POM121: variants seen among roughly 807,000 people sequenced by gnomAD.
POM121 encodes nuclear envelope pore membrane protein POM 121.
POM121 carries 32 observed loss-of-function variants against 81.3 expected under a neutral mutation model. The ratio of observed to expected loss-of-function variants is 0.39; its 90% confidence interval spans 0.30 to 0.53. POM121 has a LOEUF of 0.53. Ranked by LOEUF, POM121 falls within the 20% of genes least tolerant of loss-of-function variation. The pLI, the probability that POM121 is intolerant of heterozygous loss-of-function variation, is 0.66. For synonymous variants in POM121, 514 were observed against 694.2 expected (o/e 0.74, Z 4.08); for missense variants, 1,138 against 1,614.6 (o/e 0.70, Z 5.06).
intron 10 of POM121, among the ~76,000 whole-genome samples, chr7:72,941,513 C>T (rs1294123764): frequency 8.2e-5 from 12 of 147,122 alleles, no homozygotes; most frequent in Non-Finnish European, 1.5e-4. Context: ...GCTCTTAGCG[C>T]CTGGCAGGTG....
At position 72,945,561 on chromosome 7, in the gene POM121, C is replaced by A. The variant is rs2429281; in HGVS notation, c.3530-25C>A. ...TTGCCTCTGCCCTCTGCTCACTGGC[C>A]AGCTCTCTGTTCTCTTCATTCCAGG... On this transcript the variant is annotated intron_variant, in intron 11 of 12. Coordinates refer to ENST00000434423, the MANE Select transcript of POM121 (RefSeq NM_001387691.1). 2.0e-5 allele frequency: 33 copies of A among 1,612,144 alleles called. No homozygotes were observed. The South Asian group carries it at 2.9e-4, about 14-fold the overall frequency.
intron 3 of POM121, among the ~76,000 whole-genome samples, chr7:72,893,102 C>T (rs1283823305): frequency 8.6e-5 from 13 of 151,878 alleles, no homozygotes; most frequent in Admixed American, 4.6e-4. Flanking sequence ...AGATTACAGG[C>T]GTGCACCATC....
intron 3 of POM121, among the ~76,000 whole-genome samples, chr7:72,906,735 A>C (rs1382949117): frequency 6.6e-6 from 1 of 151,384 alleles, no homozygotes; most frequent in Non-Finnish European, 1.5e-5. Flanking sequence ...TGGTTCTCTC[A>C]CCTCAGCCTC....
Position 72,939,969 on chromosome 7 carries a change from G to C in POM121, c.1563+1G>C, listed in dbSNP as rs782664833. Reference sequence around the variant, plus strand: ...TCGGCGAGGGGAACAGCTGACCTTGGTATGGTCTTGTCCATCTACTCCTGC... The same window carrying C: ...TCGGCGAGGGGAACAGCTGACCTTGCTATGGTCTTGTCCATCTACTCCTGC... On this transcript the variant is annotated splice_donor_variant, in intron 8 of 12. Transcript: ENST00000434423. LOFTEE classifies it high-confidence loss of function. The C allele has an allele frequency of 6.2e-7, 1 of 1,605,806 alleles. No individual in the cohort carries two copies. The highest frequency in any genetic ancestry group is 8.5e-7 in the Non-Finnish European group (1 of 1,175,316).
chr7:72,881,092 A>C (rs1790110278), intron 1 of POM121, among the ~76,000 whole-genome samples: 1 of 111,642 alleles, frequency 9.0e-6, no homozygotes, highest in Non-Finnish European at 1.8e-5. Flanking sequence ...TTTTTTTGAG[A>C]CAGTGTCTCT....
Position 72,948,138 on chromosome 7 carries a change from G to T in POM121, c.*1904G>T. The T allele has an allele frequency of 1.4e-6, 2 of 1,413,874 alleles. No individual in the cohort carries two copies. The highest frequency in any genetic ancestry group is 5.2e-4 in the Middle Eastern group (2 of 3,882). The allele number at this position is 1,413,874 out of a possible 1,614,324, so 87.6% of individuals were successfully genotyped here. On this transcript the variant is annotated 3_prime_UTR_variant, in exon 13 of 13. Coordinates refer to ENST00000434423, the MANE Select transcript of POM121 (RefSeq NM_001387691.1). Reference sequence around the variant, plus strand: ...CCGGGAACCCTGAGTGAGAATGAGTGTGGATGTGTACAGTACACGCACTGG... The same window carrying T: ...CCGGGAACCCTGAGTGAGAATGAGTTTGGATGTGTACAGTACACGCACTGG...
chr7:72,929,833 A>G, intron 4 of POM121, 107 bp from the exon 5 acceptor site: 2 of 1,400,548 alleles, frequency 1.4e-6, no homozygotes, highest in Admixed American at 2.9e-5. Context: ...AATTAAAAGC[A>G]TTATTCTCTT....
chr7:72,896,302 T>C (rs1586082945), intron 3 of POM121, among the ~76,000 whole-genome samples: 1 of 151,756 alleles, frequency 6.6e-6, no homozygotes, highest in South Asian at 2.1e-4. Context: ...CTGGGCAACA[T>C]AAGGAGACCT....
intron 11 of POM121, among the ~76,000 whole-genome samples, chr7:72,943,953 T>TA (rs1797401441): frequency 6.6e-6 from 1 of 152,096 alleles, no homozygotes; most frequent in Non-Finnish European, 1.5e-5. Flanking sequence ...GGCACAAGAA[T>TA]GGTTTGAACC....
intron 3 of POM121, among the ~76,000 whole-genome samples, chr7:72,911,610 ATCT>A (rs1369703260): frequency 2.6e-5 from 4 of 152,014 alleles, no homozygotes; most frequent in African/African-American, 4.8e-5. Flanking sequence ...ACCTCTCCAG[ATCT>A]TCTTCCTCAT....
At chr7:72,903,422 G>A (rs186916217) in intron 3 of POM121, among the ~76,000 whole-genome samples, 5 of 152,322 alleles carry the variant, frequency 3.3e-5, no homozygotes, top group Non-Finnish European at 5.9e-5. Context: ...GGACGACAGA[G>A]CGAAGACTCC....
In POM121 at chr7:72,948,284, A is replaced by G; in HGVS notation, c.*2050A>G. On this transcript the variant is annotated 3_prime_UTR_variant, in exon 13 of 13. Transcript: ENST00000434423. ...CTGCTTGTGACATTAAGAATAAAAA[A>G]CTGTGATCTATCGTAGAGTACGTTC... 1 of 1,518,054 alleles carries G rather than the reference A, an allele frequency of 6.6e-7. No homozygotes were observed. The highest frequency in any genetic ancestry group is 8.8e-7 in the Non-Finnish European group (1 of 1,133,772). The allele number at this position is 1,518,054 out of a possible 1,614,324, so 94.0% of individuals were successfully genotyped here. A position where few individuals can be genotyped will look rare whatever the true frequency, so the allele number is the denominator to read the frequency against.
chr7:72,890,299 G>A (rs200274592), intron 1 of POM121, among the ~76,000 whole-genome samples: 53 of 151,140 alleles, frequency 3.5e-4, no homozygotes, highest in Non-Finnish European at 4.3e-4. Context: ...AAGTGACAAG[G>A]AGTAAAATGC....
intron 3 of POM121, among the ~76,000 whole-genome samples, chr7:72,904,135 C>CTCCCTG: frequency 6.6e-6 from 1 of 152,310 alleles, no homozygotes; most frequent in East Asian, 1.9e-4. Context: ...CTAGGCTTTA[C>CTCCCTG]TCCCTGCCTG....
In POM121 at chr7:72,940,560, CTG is replaced by C. The variant is rs1186477622; in HGVS notation, c.1666+46_1666+47del. On this transcript the variant is annotated intron_variant, in intron 9 of 12. Transcript: ENST00000434423. ...TGCACACTGGAGAGGTTTCAGGTGT[CTG>C]TTTTCTTTGGTTTTATTTTGGTGTT... The C allele has an allele frequency of 5.4e-6, 3 of 552,548 alleles. No homozygotes were observed. The African/African-American group carries it at 6.8e-5, about 13-fold the overall frequency. The allele number at this position is 552,548 out of a possible 1,614,324, so 34.2% of individuals were successfully genotyped here.
intron 1 of POM121, among the ~76,000 whole-genome samples, chr7:72,887,874 C>T (rs1300214075): frequency 3.9e-5 from 6 of 152,002 alleles, no homozygotes; most frequent in African/African-American, 1.2e-4. Flanking sequence ...ATCATTGCTT[C>T]GTATATGTTC....
chr7:72,882,483 G>A (rs3873471), intron 1 of POM121, among the ~76,000 whole-genome samples: 1 of 152,136 alleles, frequency 6.6e-6, no homozygotes, highest in East Asian at 1.9e-4. Flanking sequence ...ATTCAAGTTG[G>A]TATAATTGTG....
Position 72,948,130 on chromosome 7 carries a change from G to A in POM121, c.*1896G>A. On this transcript the variant is annotated 3_prime_UTR_variant, in exon 13 of 13. Coordinates refer to ENST00000434423, the MANE Select transcript of POM121 (RefSeq NM_001387691.1). ...CAGCCGGTCCGGGAACCCTGAGTGA[G>A]AATGAGTGTGGATGTGTACAGTACA... 7.1e-7 allele frequency: 1 copy of A among 1,406,240 alleles called. No individual in the cohort carries two copies. The highest frequency in any genetic ancestry group is 9.2e-7 in the Non-Finnish European group (1 of 1,083,598). 87.1% of individuals were successfully genotyped at this position (1,406,240 alleles called of 1,614,324 possible).
Position 72,939,888 on chromosome 7 carries a change from C to T in POM121, c.1483C>T (p.Gln495Ter), listed in dbSNP as rs781803455. The T allele has an allele frequency of 6.2e-7, 1 of 1,609,798 alleles. No individual in the cohort carries two copies. Among genetic ancestry groups the T allele is most frequent in the East Asian group, 2.2e-5 (1 of 44,796 alleles). ...AAGGAAGAAACAAAACTCGAATTCT[C>T]AGTCTACACCTGGCAGCTCTGGGCA... is the stretch of plus-strand genomic sequence containing the variant. Reference protein sequence around the residue: ...TPRKKQNSNSQSTPGSSGQRK... With the variant: ...TPRKKQNSNS The change falls in exon 8 of 13, where the codon CAG becomes TAG. Residue 495 changes from glutamine to a stop codon, truncating the protein, a stop_gained. Coordinates refer to ENST00000434423, the MANE Select transcript of POM121 (RefSeq NM_001387691.1). LOFTEE classifies it high-confidence loss of function.
Sources: gnomAD v4.1 joint callset for allele counts (sites outside exome capture counted in the v4.1 genomes callset) on GRCh38, gnomAD v4.1.1 for gene constraint, MANE v1.5 for transcripts, NCBI Gene and HGNC (gene_info 2026-07-23, HGNC 2026-07-21) for gene names.